GRIN2B: variants seen among roughly 807,000 people sequenced by gnomAD.
The protein encoded by GRIN2B is glutamate ionotropic receptor NMDA type subunit 2B.
GRIN2B carries 5 observed loss-of-function variants against 114.5 expected under a neutral mutation model. That is an observed-to-expected ratio of 0.04 (90% CI 0.02 to 0.09). The LOEUF (loss-of-function observed/expected upper bound fraction) is 0.09. Among genes scored for constraint, GRIN2B ranks in the 10% least tolerant of loss-of-function variants. GRIN2B has a pLI of 1.00. For missense variants in GRIN2B, 1,108 were observed against 1,943.5 expected (o/e 0.57, Z 8.08); for synonymous variants, 787 against 745.1 (o/e 1.06, Z -0.92).
At chr12:13,786,816 C>T (rs977778575) in intron 3 of GRIN2B, among the ~76,000 whole-genome samples, 1 of 152,120 alleles carries the variant, frequency 6.6e-6, no homozygotes, top group African/African-American at 2.4e-5. Context: ...GCCTGTTGTC[C>T]ACTCCCTTTC....
intron 4 of GRIN2B, among the ~76,000 whole-genome samples, chr12:13,698,077 C>T (rs1301392014): frequency 6.6e-6 from 1 of 152,240 alleles, no homozygotes; most frequent in African/African-American, 2.4e-5. Flanking sequence ...CTTCCAGCTT[C>T]GGCATTCAGC....
chr12:13,678,068 A>G (rs1297359001), intron 4 of GRIN2B, among the ~76,000 whole-genome samples: 1 of 152,164 alleles, frequency 6.6e-6, no homozygotes, highest in African/African-American at 2.4e-5. Context: ...AAGCTAAGAA[A>G]TCTTGGAATA....
intron 10 of GRIN2B, among the ~76,000 whole-genome samples, chr12:13,595,673 T>C (rs76881289): frequency 3.9e-5 from 6 of 152,084 alleles, no homozygotes; most frequent in East Asian, 1.9e-4. Context: ...ACAATTCCTC[T>C]AGCAGCAGCC....
chr12:13,663,206 C>T (rs1370658464), intron 5 of GRIN2B, among the ~76,000 whole-genome samples: 1 of 152,200 alleles, frequency 6.6e-6, no homozygotes, highest in Non-Finnish European at 1.5e-5. Context: ...ACCGCCATCC[C>T]CTTTATGTTC....
intron 4 of GRIN2B, among the ~76,000 whole-genome samples, chr12:13,727,539 C>T (rs1032034554): frequency 1.3e-5 from 2 of 152,168 alleles, no homozygotes; most frequent in Admixed American, 6.5e-5. Flanking sequence ...TTCTTTAACT[C>T]TCTGGGAAAT....
chr12:13,754,963 C>T (rs78928222), intron 3 of GRIN2B, among the ~76,000 whole-genome samples: 521 of 152,190 alleles, frequency 3.4e-3, no homozygotes, highest in African/African-American at 0.012. Flanking sequence ...TAGATGAGTC[C>T]GAAAACACAA....
In GRIN2B at chr12:13,848,170, G is replaced by A. The variant is rs565511095; in HGVS notation, c.411+17628C>T. Among the ~76,000 whole-genome samples the A allele has an allele frequency of 2.4e-4, 36 of 152,272 alleles. No homozygotes were observed. In the South Asian group the frequency reaches 4.8e-3, roughly 20 times the overall value. Reference sequence around the variant, plus strand: ...TGTGGCCATCAGGAAAGTACCTTCCGTTTAAAATACATATTTCCCTTATGG... The same window carrying A: ...TGTGGCCATCAGGAAAGTACCTTCCATTTAAAATACATATTTCCCTTATGG... On this transcript the variant is annotated intron_variant, in intron 3 of 13. Transcript: ENST00000609686.
chr12:13,550,605 G>A lies in GRIN2B; in HGVS notation c.*12178C>T, dbSNP rs2136388189. The stretch of plus-strand genomic sequence containing the variant: ...CAACAGGACCTTATGGATTCCATCA[G>A]GTCAAATAGGACAGTTAGCAGGATA... On this transcript the variant is annotated 3_prime_UTR_variant, in exon 14 of 14. Coordinates refer to ENST00000609686, the MANE Select transcript of GRIN2B (RefSeq NM_000834.5). The A allele has an allele frequency of 6.6e-6, 1 of 152,204 alleles. No homozygotes were observed. Among genetic ancestry groups the A allele is most frequent in the South Asian group, 2.1e-4 (1 of 4,822 alleles). The allele number at this position is 152,204 out of a possible 1,614,324, so 9.4% of individuals were successfully genotyped here.
intron 4 of GRIN2B, among the ~76,000 whole-genome samples, chr12:13,688,923 C>T (rs1005828818): frequency 1.8e-4 from 27 of 152,320 alleles, no homozygotes; most frequent in Non-Finnish European, 8.8e-5. Context: ...CACAGATTCA[C>T]ACCGTAGAAT....
At chr12:13,816,485 G>T (rs1864826008) in intron 3 of GRIN2B, among the ~76,000 whole-genome samples, 1 of 152,148 alleles carries the variant, frequency 6.6e-6, no homozygotes, top group African/African-American at 2.4e-5. Flanking sequence ...CAATGATAAA[G>T]TCACAGTTTG....
chr12:13,659,469 A>C (rs1193729173), intron 5 of GRIN2B, among the ~76,000 whole-genome samples: 1 of 152,146 alleles, frequency 6.6e-6, no homozygotes, highest in Admixed American at 6.6e-5. Flanking sequence ...TTTGAAGAGA[A>C]GTCATAATCA....
intron 3 of GRIN2B, among the ~76,000 whole-genome samples, chr12:13,799,816 G>A (rs1864475459): frequency 6.6e-6 from 1 of 152,064 alleles, no homozygotes; most frequent in Non-Finnish European, 1.5e-5. Flanking sequence ...AGTTAAGGAT[G>A]CCACCCAGGG....
At chr12:13,680,782 A>G (rs946786347) in intron 4 of GRIN2B, among the ~76,000 whole-genome samples, 7 of 152,076 alleles carry the variant, frequency 4.6e-5, no homozygotes, top group African/African-American at 1.4e-4. Context: ...AGAGCTCCAG[A>G]TGTGCATTTT....
intron 3 of GRIN2B, among the ~76,000 whole-genome samples, chr12:13,840,906 C>T (rs1244078978): frequency 6.6e-6 from 1 of 152,128 alleles, no homozygotes; most frequent in South Asian, 2.1e-4. Context: ...CTCCATTCTC[C>T]AGAGGGCAGA....
At chr12:13,622,737 T>TGA (rs902964367) in intron 5 of GRIN2B, among the ~76,000 whole-genome samples, 4 of 152,062 alleles carry the variant, frequency 2.6e-5, no homozygotes, top group African/African-American at 9.7e-5. Flanking sequence ...AGAGTATGTG[T>TGA]GAGAGAGAGA....
At chr12:13,751,882 C>T (rs1340815785) in intron 4 of GRIN2B, among the ~76,000 whole-genome samples, 1 of 152,072 alleles carries the variant, frequency 6.6e-6, no homozygotes, top group African/African-American at 2.4e-5. Context: ...ATGCATAAAA[C>T]AGGAGTGTGC....
At chr12:13,640,482 G>A (rs1949705120) in intron 5 of GRIN2B, among the ~76,000 whole-genome samples, 1 of 152,056 alleles carries the variant, frequency 6.6e-6, no homozygotes, top group South Asian at 2.1e-4. Flanking sequence ...CATAGCTGTT[G>A]TCTCTGGTCC....
intron 10 of GRIN2B, among the ~76,000 whole-genome samples, chr12:13,587,309 C>A (rs1948940862): frequency 6.6e-6 from 1 of 151,354 alleles, no homozygotes; most frequent in Non-Finnish European, 1.5e-5. Context: ...GCCCCACTAG[C>A]CTGATGTACA....
intron 2 of GRIN2B, among the ~76,000 whole-genome samples, chr12:13,908,238 G>T (rs1297452298): frequency 6.9e-6 from 1 of 145,472 alleles, no homozygotes; most frequent in Non-Finnish European, 1.5e-5. Context: ...CTACATATTT[G>T]AAAAAAAAAA....
Sources: gnomAD v4.1 joint callset for allele counts (sites outside exome capture counted in the v4.1 genomes callset) on GRCh38, gnomAD v4.1.1 for gene constraint, MANE v1.5 for transcripts, NCBI Gene and HGNC (gene_info 2026-07-23, HGNC 2026-07-21) for gene names.